The following PTPRT variants were observed in gnomAD, a reference collection of about 807,000 sequenced individuals.
The protein encoded by PTPRT is protein tyrosine phosphatase receptor type T.
PTPRT carries 56 observed loss-of-function variants against 176.8 expected under a neutral mutation model. The ratio of observed to expected loss-of-function variants is 0.32; its 90% CI spans 0.26 to 0.40. The LOEUF is 0.40. Ranked by LOEUF, PTPRT falls within the 10% of genes least tolerant of loss-of-function variation. The pLI, the probability that PTPRT is intolerant of heterozygous loss-of-function variation, is 1.00. For synonymous variants in PTPRT, 783 were observed against 739.0 expected (o/e 1.06, Z -0.96); for missense variants, 1,540 against 1,908.2 (o/e 0.81, Z 3.60).
intron 16 of PTPRT, among the ~76,000 whole-genome samples, chr20:42,172,722 C>T (rs979264204): frequency 2.0e-5 from 3 of 152,118 alleles, no homozygotes; most frequent in African/African-American, 7.2e-5. Context: ...TTTACATGCG[C>T]TTGTGTGTAT....
chr20:42,523,944 C>T lies in PTPRT; in HGVS notation c.1154-51382G>A, dbSNP rs1417554524. Among the ~76,000 whole-genome samples the T allele has an allele frequency of 3.9e-5, 6 of 152,098 alleles. No homozygotes were observed. The South Asian group carries it at 1.2e-3, about 32-fold the overall frequency. On this transcript the variant is annotated intron_variant, in intron 7 of 30. Coordinates refer to ENST00000373187, the MANE Select transcript of PTPRT (RefSeq NM_007050.6). The stretch of plus-strand genomic sequence containing the variant: ...AAGGCTGTAGTGTGCTATGTTCACA[C>T]CTGTGAATAGTCACTGCATTCTAAC...
intron 7 of PTPRT, among the ~76,000 whole-genome samples, chr20:42,534,507 G>A (rs2072441233): frequency 1.3e-5 from 2 of 152,130 alleles, no homozygotes; most frequent in African/African-American, 4.8e-5. Flanking sequence ...ATGGTGGCGA[G>A]CGCCTGTAGT....
chr20:42,572,927 T>TG (rs1443516685), intron 7 of PTPRT, among the ~76,000 whole-genome samples: 2 of 150,648 alleles, frequency 1.3e-5, no homozygotes, highest in African/African-American at 4.9e-5. Flanking sequence ...TTTTTGTTTT[T>TG]TTTTTTTTTT....
At chr20:42,665,106 A>C (rs61625574) in intron 7 of PTPRT, among the ~76,000 whole-genome samples, 9,273 of 151,928 alleles carry the variant, frequency 0.061, 879 homozygotes, top group African/African-American at 0.2. Context: ...AATGGGATCT[A>C]ATTAAACTAA....
At chr20:42,690,021 T>C (rs1423288417) in intron 6 of PTPRT, among the ~76,000 whole-genome samples, 1 of 152,130 alleles carries the variant, frequency 6.6e-6, no homozygotes, top group Non-Finnish European at 1.5e-5. Context: ...TGGAGGATGT[T>C]AGGGAAGGCT....
intron 1 of PTPRT, among the ~76,000 whole-genome samples, chr20:42,936,908 C>T (rs575321075): frequency 6.6e-6 from 1 of 152,248 alleles, no homozygotes; most frequent in Non-Finnish European, 1.5e-5. Context: ...TGGTAGAAAA[C>T]TAGGGTGATC....
At chr20:42,210,427 G>C (rs2055593351) in intron 15 of PTPRT, among the ~76,000 whole-genome samples, 2 of 151,958 alleles carry the variant, frequency 1.3e-5, no homozygotes, top group Admixed American at 1.3e-4. Flanking sequence ...ATCTCCTTAA[G>C]CTGATAAGCA....
chr20:42,090,513 A>C (rs35258493), intron 27 of PTPRT, among the ~76,000 whole-genome samples: 54,506 of 151,876 alleles, frequency 0.36, 10,715 homozygotes, highest in African/African-American at 0.53. Flanking sequence ...CTGCTCCTAA[A>C]CTCTGAAATA....
intron 6 of PTPRT, among the ~76,000 whole-genome samples, chr20:42,729,794 T>C (rs904989219): frequency 6.6e-5 from 10 of 152,264 alleles, no homozygotes; most frequent in Admixed American, 5.2e-4. Flanking sequence ...AAATCATAGA[T>C]AACCTGATTT....
chr20:42,982,257 G>A (rs1183623799), intron 1 of PTPRT, among the ~76,000 whole-genome samples: 2 of 152,218 alleles, frequency 1.3e-5, no homozygotes, highest in African/African-American at 2.4e-5. Flanking sequence ...GCACGGGGCT[G>A]GGTGGTGGAG....
intron 9 of PTPRT, among the ~76,000 whole-genome samples, chr20:42,391,381 G>T: frequency 6.6e-6 from 1 of 152,192 alleles, no homozygotes; most frequent in East Asian, 1.9e-4. Context: ...CAAGAACCCA[G>T]ACATGGTCCC....
intron 2 of PTPRT, among the ~76,000 whole-genome samples, chr20:42,836,740 A>T (rs1419221864): frequency 6.6e-6 from 1 of 152,214 alleles, no homozygotes; most frequent in African/African-American, 2.4e-5. Flanking sequence ...ATAAAACTGG[A>T]ACAACAAGGC....
chr20:42,962,034 A>G (rs1343351590), intron 1 of PTPRT, among the ~76,000 whole-genome samples: 1 of 152,132 alleles, frequency 6.6e-6, no homozygotes, highest in Non-Finnish European at 1.5e-5. Flanking sequence ...TCCTGCTGTC[A>G]CCCTGCTGAG....
At chr20:42,771,713 G>C (rs2077065939) in intron 4 of PTPRT, among the ~76,000 whole-genome samples, 163 bp from the exon 5 acceptor site, 1 of 152,176 alleles carries the variant, frequency 6.6e-6, no homozygotes, top group African/African-American at 2.4e-5. Flanking sequence ...TTATAAGTCT[G>C]GCACTGTTCG....
At chr20:42,398,733 T>TA (rs564329187) in intron 9 of PTPRT, among the ~76,000 whole-genome samples, 3 of 152,176 alleles carry the variant, frequency 2.0e-5, no homozygotes, top group African/African-American at 4.8e-5. Context: ...TTTTTTAATT[T>TA]AAAAAAACAT....
chr20:42,843,638 G>C (rs1384459522), intron 2 of PTPRT, among the ~76,000 whole-genome samples: 1 of 152,222 alleles, frequency 6.6e-6, no homozygotes, highest in Non-Finnish European at 1.5e-5. Flanking sequence ...GGAGCAGAAA[G>C]ATTTGGGGCA....
rs535981556 is a variant in PTPRT, at chr20:42,620,055, T to TC, written c.1153+57810dup. 6.7e-3 allele frequency among the ~76,000 whole-genome samples: 1,005 copies of TC among 149,528 alleles called. 14 individuals are homozygous for TC. Among genetic ancestry groups the TC allele is most frequent in the African/African-American group, 0.024 (961 of 39,728 alleles). The stretch of plus-strand genomic sequence containing the variant: ...TTTCCAGTTTTTCTGTTCTGTTTTT[T>TC]CCCCATCTTTGTGGTTTTATCTACT... On this transcript the variant is annotated intron_variant, in intron 7 of 30. Transcript: ENST00000373187.
chr20:42,692,080 T>C (rs2075802067), intron 6 of PTPRT, among the ~76,000 whole-genome samples: 1 of 152,212 alleles, frequency 6.6e-6, no homozygotes, highest in Admixed American at 6.5e-5. Context: ...AACAAAATCC[T>C]GCTTGAAGGT....
At chr20:42,756,023 A>T (rs920320173) in intron 6 of PTPRT, among the ~76,000 whole-genome samples, 7 of 152,170 alleles carry the variant, frequency 4.6e-5, no homozygotes, top group Non-Finnish European at 1.0e-4. Flanking sequence ...TGGGGTGAGG[A>T]ATTATTCATT....
Sources: gnomAD v4.1 joint callset for allele counts (sites outside exome capture counted in the v4.1 genomes callset) on GRCh38, gnomAD v4.1.1 for gene constraint, MANE v1.5 for transcripts, NCBI Gene and HGNC (gene_info 2026-07-23, HGNC 2026-07-21) for gene names.